FMN1: variants seen among roughly 807,000 people sequenced by gnomAD.
The protein encoded by FMN1 is formin-1.
In FMN1, 110 loss-of-function variants were observed where a neutral mutation model predicts 132.4. The observed-to-expected ratio is 0.83, with a 90% CI of 0.71 to 0.97. The LOEUF is 0.97. Ranked by LOEUF, FMN1 falls within the 50% of genes least tolerant of loss-of-function variation. FMN1 has a pLI of 0.00. For synonymous variants in FMN1, 722 were observed against 651.7 expected (o/e 1.11, Z -1.64); for missense variants, 1,792 against 1,705.3 (o/e 1.05, Z -0.90).
intron 12 of FMN1, among the ~76,000 whole-genome samples, chr15:32,904,662 T>C (rs1005184015): frequency 6.6e-6 from 1 of 152,192 alleles, no homozygotes; most frequent in African/African-American, 2.4e-5. Context: ...TTTGCAGTTT[T>C]GGCGTGGATA....
chr15:32,946,533 C>T lies in FMN1; in HGVS notation c.3138+17574G>A, dbSNP rs557307227. On this transcript the variant is annotated intron_variant, in intron 9 of 20. Coordinates refer to ENST00000616417, the MANE Select transcript of FMN1 (RefSeq NM_001277313.2). Reference sequence around the variant, plus strand: ...TAGTCATATTGCAACAAGGGAATAGCCTTTAAGATATGAGAATCAAATTCA... The same window carrying T: ...TAGTCATATTGCAACAAGGGAATAGTCTTTAAGATATGAGAATCAAATTCA... Among the ~76,000 whole-genome samples the T allele has an allele frequency of 2.0e-5, 3 of 152,210 alleles. No homozygotes were observed. In the East Asian group the frequency reaches 5.8e-4, roughly 29 times the overall value.
chr15:32,870,216 G>A (rs2059483893), intron 16 of FMN1, among the ~76,000 whole-genome samples: 1 of 152,164 alleles, frequency 6.6e-6, no homozygotes, highest in Admixed American at 6.5e-5. Flanking sequence ...AACTCCCAAA[G>A]CCATCATGTC....
chr15:32,970,415 A>G (rs2140670244), intron 7 of FMN1, among the ~76,000 whole-genome samples: 1 of 152,334 alleles, frequency 6.6e-6, no homozygotes, highest in African/African-American at 2.4e-5. Context: ...TATAAACTCC[A>G]CAAGATGAAA....
At chr15:33,120,365 T>C (rs1290111475) in intron 4 of FMN1, among the ~76,000 whole-genome samples, 2 of 152,160 alleles carry the variant, frequency 1.3e-5, no homozygotes, top group East Asian at 3.8e-4. Flanking sequence ...ATCTTCCAGG[T>C]CAATGGATTA....
chr15:32,892,865 G>T (rs2060065373), intron 15 of FMN1, among the ~76,000 whole-genome samples: 1 of 152,000 alleles, frequency 6.6e-6, no homozygotes, highest in Non-Finnish European at 1.5e-5. Flanking sequence ...TTTTTAAATT[G>T]CCATGTTATC....
rs139352833 is a variant in FMN1, at chr15:32,828,515, T to C, written c.3929-24183A>G. ...TTTATCATTTAGCATGTTTTTTTTT[T>C]TTCTCACTGGGTTTTTGTAACAGTG... On this transcript the variant is annotated intron_variant, in intron 17 of 20. Coordinates refer to ENST00000616417, the MANE Select transcript of FMN1 (RefSeq NM_001277313.2). Among the ~76,000 whole-genome samples the C allele has an allele frequency of 2.0e-3, 303 of 152,238 alleles. 5 individuals carry two copies. Among genetic ancestry groups the C allele is most frequent in the African/African-American group, 6.9e-3 (288 of 41,552 alleles).
intron 6 of FMN1, among the ~76,000 whole-genome samples, chr15:33,031,580 T>C (rs887685650): frequency 2.0e-5 from 3 of 152,216 alleles, no homozygotes; most frequent in Admixed American, 1.3e-4. Context: ...TGTCATCATA[T>C]GCTTCATTTC....
intron 6 of FMN1, among the ~76,000 whole-genome samples, chr15:33,019,844 G>A (rs2035322276): frequency 6.6e-6 from 1 of 152,250 alleles, no homozygotes. Flanking sequence ...CCTGGTTCCC[G>A]TCCGTGCCTC....
At chr15:33,163,052 G>A (rs1273307755) in intron 3 of FMN1, among the ~76,000 whole-genome samples, 1 of 152,068 alleles carries the variant, frequency 6.6e-6, no homozygotes, top group Non-Finnish European at 1.5e-5. Flanking sequence ...AACCCGGGAG[G>A]TGGAGGTTGC....
intron 16 of FMN1, among the ~76,000 whole-genome samples, chr15:32,857,326 A>T (rs2059157477): frequency 6.6e-6 from 1 of 152,202 alleles, no homozygotes; most frequent in Admixed American, 6.5e-5. Context: ...CTCTTGAGGA[A>T]CAGGGCAATG....
At position 33,153,425 on chromosome 15, in the gene FMN1, G is replaced by A. The variant is rs761837656; in HGVS notation, c.1490C>T (p.Pro497Leu). The change falls in exon 4 of 21, where the codon CCG becomes CTG. Residue 497 changes from proline (P) to leucine (L), a missense_variant. By Grantham distance (98) the Pro-to-Leu change is moderately conservative. Transcript: ENST00000616417. Reference sequence around the variant, plus strand: ...ATTAAACACCTTGCCAAGAGCTGCCGGTGCTGGTGGGGATGGCTTCTTCTT... The same window carrying A: ...ATTAAACACCTTGCCAAGAGCTGCCAGTGCTGGTGGGGATGGCTTCTTCTT... ...GDKKKPSPPAPAALGKVFNNS... is the reference protein window; with the variant it reads ...GDKKKPSPPALAALGKVFNNS... 76 of 1,536,814 alleles carry A rather than the reference G, an allele frequency of 4.9e-5. No individual in the cohort carries two copies. The highest frequency in any genetic ancestry group is 3.3e-4 in the Middle Eastern group (2 of 5,994).
intron 15 of FMN1, among the ~76,000 whole-genome samples, chr15:32,892,200 G>T (rs1433290627): frequency 6.6e-6 from 1 of 152,164 alleles, no homozygotes; most frequent in African/African-American, 2.4e-5. Flanking sequence ...GTTTGTCATA[G>T]ATGGCTTTTA....
chr15:33,189,521 A>G (rs1047928243), intron 2 of FMN1, among the ~76,000 whole-genome samples: 59 of 152,220 alleles, frequency 3.9e-4, no homozygotes, highest in African/African-American at 1.4e-3. Context: ...ACTGAACTTT[A>G]TTTATGGTTT....
chr15:33,099,763 A>G (rs1393865862), intron 4 of FMN1, among the ~76,000 whole-genome samples: 1 of 152,220 alleles, frequency 6.6e-6, no homozygotes, highest in African/African-American at 2.4e-5. Flanking sequence ...GTCATTCTCT[A>G]AAAGTCATCT....
At chr15:32,854,914 CAA>C (rs202139764) in intron 17 of FMN1, among the ~76,000 whole-genome samples, 3 of 132,886 alleles carry the variant, frequency 2.3e-5, no homozygotes, top group Non-Finnish European at 1.6e-5. Context: ...AACTCCACCT[CAA>C]AAAAAAAAAC....
chr15:32,927,699 C>T (rs546177120), intron 9 of FMN1, among the ~76,000 whole-genome samples: 2 of 152,222 alleles, frequency 1.3e-5, no homozygotes, highest in East Asian at 3.9e-4. Context: ...ACTAGTAAAC[C>T]AAATCAGCTC....
rs200710038 is a variant in FMN1, at chr15:32,936,043, T to C, written c.3139-9782A>G. On this transcript the variant is annotated intron_variant, in intron 9 of 20. Coordinates refer to ENST00000616417, the MANE Select transcript of FMN1 (RefSeq NM_001277313.2). Reference sequence around the variant, plus strand: ...CTACTGAACCCCACTAGTGAGCTTTTAAATTTGGTTATTGTATTCTTTAGC... The same window carrying C: ...CTACTGAACCCCACTAGTGAGCTTTCAAATTTGGTTATTGTATTCTTTAGC... Among the ~76,000 whole-genome samples the C allele has an allele frequency of 3.3e-4, 51 of 152,340 alleles. No individual in the cohort carries two copies. The East Asian group carries it at 4.2e-3, about 13-fold the overall frequency.
intron 17 of FMN1, among the ~76,000 whole-genome samples, chr15:32,826,715 G>A (rs1224542167): frequency 6.6e-6 from 1 of 152,162 alleles, no homozygotes; most frequent in Non-Finnish European, 1.5e-5. Flanking sequence ...ATGTAGGAAC[G>A]AAGAGAGACC....
intron 20 of FMN1, among the ~76,000 whole-genome samples, chr15:32,775,707 T>C (rs779362540): frequency 2.0e-5 from 3 of 152,214 alleles, no homozygotes; most frequent in Non-Finnish European, 4.4e-5. Flanking sequence ...ATCAACCTCA[T>C]GCAACATTCA....
Sources: gnomAD v4.1 joint callset for allele counts (sites outside exome capture counted in the v4.1 genomes callset) on GRCh38, gnomAD v4.1.1 for gene constraint, MANE v1.5 for transcripts, NCBI Gene and HGNC (gene_info 2026-07-23, HGNC 2026-07-21) for gene names.